Variants in ARHGEF3 observed in about 807,000 individuals in gnomAD.
ARHGEF3 encodes Rho guanine nucleotide exchange factor 3.
A neutral mutation model predicts 63.2 loss-of-function variants in ARHGEF3; 28 were observed. That is an observed-to-expected ratio of 0.44 (90% CI 0.33 to 0.61). The LOEUF (loss-of-function observed/expected upper bound fraction) is 0.61. Among genes scored for constraint, ARHGEF3 ranks in the 20% least tolerant of loss-of-function variants. The probability of loss-of-function intolerance (pLI) is 0.03; values close to 1 mark genes in which losing one functional copy is unlikely to be tolerated. For synonymous variants in ARHGEF3, 266 were observed against 254.2 expected (o/e 1.05, Z -0.44); for missense variants, 533 against 659.3 (o/e 0.81, Z 2.10).
intron 2 of ARHGEF3, among the ~76,000 whole-genome samples, chr3:57,028,642 T>C (rs2107195220): frequency 7.0e-6 from 1 of 142,210 alleles, no homozygotes; most frequent in East Asian, 2.1e-4. Flanking sequence ...TGTATACATA[T>C]GTAACTAACC....
chr3:56,734,018 A>G (rs1169603677), intron 8 of ARHGEF3, among the ~76,000 whole-genome samples: 1 of 151,002 alleles, frequency 6.6e-6, no homozygotes, highest in African/African-American at 2.4e-5. Flanking sequence ...AAGATGATCA[A>G]TATTTTCCTT....
At chr3:56,984,044 A>G (rs533884150) in intron 2 of ARHGEF3, among the ~76,000 whole-genome samples, 3 of 151,744 alleles carry the variant, frequency 2.0e-5, no homozygotes, top group African/African-American at 7.3e-5. Flanking sequence ...AGTCCTGAGC[A>G]CTCATGGGGG....
chr3:57,002,868 G>A lies in ARHGEF3; in HGVS notation c.62+32220C>T, dbSNP rs1316185275. 4.2e-4 allele frequency among the ~76,000 whole-genome samples: 64 copies of A among 150,812 alleles called. 1 individual carries two copies. Among genetic ancestry groups the A allele is most frequent in the Admixed American group, 3.3e-4 (5 of 15,140 alleles). ...GGCTCACTGCAACCTCCACCTCCCG[G>A]GTTCAAGCGATTCTCCTGCCTCAGC... On this transcript the variant is annotated intron_variant, in intron 2 of 12. Coordinates refer to the ARHGEF3 transcript ENST00000338458.
chr3:56,733,093 C>T (rs1197175496), intron 8 of ARHGEF3, among the ~76,000 whole-genome samples: 1 of 151,276 alleles, frequency 6.6e-6, no homozygotes, highest in African/African-American at 2.4e-5. Flanking sequence ...ACCATCCTGG[C>T]TAACACAGTG....
chr3:56,947,693 C>T (rs956235746), intron 3 of ARHGEF3, among the ~76,000 whole-genome samples: 2 of 151,928 alleles, frequency 1.3e-5, no homozygotes, highest in East Asian at 1.9e-4. Flanking sequence ...ACTTTAACAC[C>T]CCACTGTCAA....
At chr3:56,795,977 T>TAAA (rs10707991) in intron 1 of ARHGEF3, among the ~76,000 whole-genome samples, 1 of 143,764 alleles carries the variant, frequency 7.0e-6, no homozygotes, top group South Asian at 2.2e-4. Flanking sequence ...GTCAACTAAT[T>TAAA]AAAAAAAAAA....
In ARHGEF3 at chr3:56,905,681, A is replaced by G. The variant is rs371616431; in HGVS notation, c.130-23327T>C. Reference sequence around the variant, plus strand: ...AAAGCCTGCTGTAATTTATACTCCTACTGGCCATGTATAAAAGGTTGTTCC... The same window carrying G: ...AAAGCCTGCTGTAATTTATACTCCTGCTGGCCATGTATAAAAGGTTGTTCC... On this transcript the variant is annotated intron_variant, in intron 3 of 12. Transcript: ENST00000338458. Among the ~76,000 whole-genome samples the G allele has an allele frequency of 2.6e-5, 4 of 152,312 alleles. 1 individual carries two copies. Among genetic ancestry groups the G allele is most frequent in the East Asian group, 1.9e-4 (1 of 5,190 alleles).
intron 1 of ARHGEF3, among the ~76,000 whole-genome samples, chr3:57,042,683 TATATATATATATA>T (rs1234475896): frequency 0.061 from 2,451 of 40,236 alleles, 253 homozygotes; most frequent in African/African-American, 0.14. Flanking sequence ...TATATATATA[TATATATATATATA>T]TATATTTTTT....
intron 1 of ARHGEF3, chr3:57,073,813 C>G: frequency 1.9e-6 from 3 of 1,614,220 alleles, no homozygotes; most frequent in South Asian, 1.1e-5. Context: ...CTTGGGTCAT[C>G]CACCCAACAT....
intron 1 of ARHGEF3, chr3:57,078,949 C>T (rs1463426108): frequency 6.4e-6 from 2 of 313,876 alleles, no homozygotes; most frequent in East Asian, 4.8e-5. Context: ...TCGAGGCTGG[C>T]GGTGGCACTG....
chr3:56,906,469 A>G (rs79979191), intron 3 of ARHGEF3, among the ~76,000 whole-genome samples: 4,725 of 152,280 alleles, frequency 0.031, 244 homozygotes, highest in African/African-American at 0.11. Flanking sequence ...CTCACTGGAT[A>G]CTAAAGACTT....
chr3:56,857,358 T>C (rs751468673), intron 4 of ARHGEF3, among the ~76,000 whole-genome samples: 13 of 152,126 alleles, frequency 8.5e-5, no homozygotes, highest in African/African-American at 1.2e-4. Flanking sequence ...GGGACTATTA[T>C]TGACCCAGGG....
intron 4 of ARHGEF3, chr3:56,882,217 C>T: frequency 7.0e-7 from 1 of 1,418,514 alleles, no homozygotes; most frequent in East Asian, 2.5e-5. Flanking sequence ...AAGCACACAG[C>T]ATATTATTAA....
intron 3 of ARHGEF3, among the ~76,000 whole-genome samples, chr3:56,902,132 C>T (rs1255764142): frequency 6.6e-6 from 1 of 152,174 alleles, no homozygotes; most frequent in African/African-American, 2.4e-5. Context: ...GGAGCTAGAA[C>T]AAGAAGGCAG....
At chr3:56,860,086 A>G (rs1158624392) in intron 4 of ARHGEF3, among the ~76,000 whole-genome samples, 2 of 152,166 alleles carry the variant, frequency 1.3e-5, no homozygotes, top group Non-Finnish European at 2.9e-5. Flanking sequence ...ATAGATAAAA[A>G]TTAATATAAA....
intron 3 of ARHGEF3, among the ~76,000 whole-genome samples, chr3:56,948,433 A>T (rs183964706): frequency 0.041 from 6,184 of 152,294 alleles, 453 homozygotes; most frequent in African/African-American, 0.14. Context: ...GCAATAAAAA[A>T]TGATAAAGGG....
chr3:56,827,849 T>C (rs1012689886), intron 4 of ARHGEF3, among the ~76,000 whole-genome samples: 4 of 124,998 alleles, frequency 3.2e-5, no homozygotes, highest in Admixed American at 1.0e-4. Flanking sequence ...GAGGCTGAGA[T>C]AGGAATATCA....
intron 3 of ARHGEF3, among the ~76,000 whole-genome samples, chr3:56,932,153 T>A (rs1221894498): frequency 6.6e-6 from 1 of 152,174 alleles, no homozygotes; most frequent in East Asian, 1.9e-4. Flanking sequence ...TTGGGGAGGA[T>A]TTTTATTCTT....
chr3:56,974,079 C>G (rs2106865552), intron 2 of ARHGEF3, among the ~76,000 whole-genome samples: 1 of 152,258 alleles, frequency 6.6e-6, no homozygotes, highest in South Asian at 2.1e-4. Flanking sequence ...GATCAAGACT[C>G]TGTCTCCAAT....
Sources: gnomAD v4.1 joint callset for allele counts (sites outside exome capture counted in the v4.1 genomes callset) on GRCh38, gnomAD v4.1.1 for gene constraint, MANE v1.5 for transcripts, NCBI Gene and HGNC (gene_info 2026-07-23, HGNC 2026-07-21) for gene names.